The following MINAR1 variants were observed in gnomAD, a reference collection of about 807,000 sequenced individuals.
MINAR1 encodes major intrinsically disordered Notch2-binding receptor 1.
Under a neutral mutation model 65.1 loss-of-function variants are expected in MINAR1, and 40 were observed. That is an observed-to-expected ratio of 0.61 (90% CI 0.48 to 0.80). MINAR1 has a LOEUF of 0.80. Among genes scored for constraint, MINAR1 ranks in the 30% least tolerant of loss-of-function variants. MINAR1 has a pLI of 0.00. For missense variants in MINAR1, 1,128 were observed against 1,148.0 expected (o/e 0.98, Z 0.25); for synonymous variants, 482 against 449.1 (o/e 1.07, Z -0.93).
chr15:79,420,491 G>A, the MINAR1 span: 1 of 152,186 alleles, frequency 6.6e-6, no homozygotes, highest in African/African-American at 2.4e-5. Flanking sequence ...GGGAAACTTG[G>A]TGGTCCCTCT....
At chr15:79,444,950 A>AAATAATACATTTGCTGCCCTGTACCG (rs1894972630) in intron 1 of MINAR1, among the ~76,000 whole-genome samples, 1 of 152,006 alleles carries the variant, frequency 6.6e-6, no homozygotes, top group African/African-American at 2.4e-5. Context: ...ATTTTCTTTG[A>AAATAATACATTTGCTGCCCTGTACCG]TCACTCAGTT....
intron 2 of MINAR1, among the ~76,000 whole-genome samples, chr15:79,460,674 G>T (rs982183277): frequency 6.6e-6 from 1 of 152,138 alleles, no homozygotes; most frequent in Non-Finnish European, 1.5e-5. Flanking sequence ...CACTCTCTGT[G>T]GTTGCGCAGG....
Position 79,441,791 on chromosome 15 carries a change from TAGTC to T in MINAR1, c.-51+9254_-51+9257del, listed in dbSNP as rs557119002. Among the ~76,000 whole-genome samples the T allele has an allele frequency of 2.1e-3, 325 of 152,246 alleles. 1 individual carries two copies. Among genetic ancestry groups the T allele is most frequent in the Non-Finnish European group, 3.9e-3 (263 of 67,962 alleles). On this transcript the variant is annotated intron_variant, in intron 1 of 3. Transcript: ENST00000305428. ...AAATAATATCAAAAACCCTTAATAA[TAGTC>T]AGAACCCTTAGTCTTTAGTACTTTT...
At chr15:79,460,553 T>G (rs1437288626) in intron 2 of MINAR1, among the ~76,000 whole-genome samples, 1 of 151,396 alleles carries the variant, frequency 6.6e-6, no homozygotes, top group Admixed American at 6.6e-5. Context: ...TTCTTTTCCA[T>G]TTACACCTCT....
intron 1 of MINAR1, among the ~76,000 whole-genome samples, chr15:79,441,428 G>T (rs1367223320): frequency 6.6e-6 from 1 of 152,098 alleles, no homozygotes; most frequent in African/African-American, 2.4e-5. Context: ...TGGCTACATG[G>T]TATTCTATCA....
chr15:79,456,894 G>T lies in MINAR1; in HGVS notation c.747G>T (p.Val249=). Residue 249 remains valine, a synonymous_variant, in exon 2 of 4, where the codon GTG becomes GTT. Transcript: ENST00000305428. ...ETFISNEEPF[V]VQSCVQKRNI... ...TCATTTCCAATGAGGAGCCATTTGT[G>T]GTCCAGTCCTGTGTCCAGAAAAGGA... The T allele has an allele frequency of 6.2e-7, 1 of 1,614,098 alleles. No homozygotes were observed. The highest frequency in any genetic ancestry group is 8.5e-7 in the Non-Finnish European group (1 of 1,180,020).
At chr15:79,466,329 G>A (rs1470310543) in intron 3 of MINAR1, among the ~76,000 whole-genome samples, 1 of 152,142 alleles carries the variant, frequency 6.6e-6, no homozygotes, top group African/African-American at 2.4e-5. Context: ...AACTTTCTCT[G>A]TAAAGGACCA....
chr15:79,416,224 T>C, the MINAR1 span: 1 of 152,258 alleles, frequency 6.6e-6, no homozygotes, highest in African/African-American at 2.4e-5. Flanking sequence ...GACACCACTA[T>C]GGACAGCTTT....
Position 79,456,894 on chromosome 15 carries a change from G to A in MINAR1, c.747G>A (p.Val249=). 2.5e-6 allele frequency: 4 copies of A among 1,614,098 alleles called. No homozygotes were observed. Among genetic ancestry groups the A allele is most frequent in the Middle Eastern group, 1.6e-4 (1 of 6,062 alleles). The part of the protein sequence containing the change: ...ETFISNEEPF[V]VQSCVQKRNI... ...TCATTTCCAATGAGGAGCCATTTGT[G>A]GTCCAGTCCTGTGTCCAGAAAAGGA... The change falls in exon 2 of 4, where the codon GTG becomes GTA. Residue 249 remains valine, a synonymous_variant. Transcript: ENST00000305428.
chr15:79,468,638 A>C lies in MINAR1; in HGVS notation c.*254A>C. The C allele has an allele frequency of 2.1e-6, 1 of 486,550 alleles. No homozygotes were observed. The highest frequency in any genetic ancestry group is 3.7e-6 in the Non-Finnish European group (1 of 272,850). 30.1% of individuals were successfully genotyped at this position (486,550 alleles called of 1,614,324 possible). On this transcript the variant is annotated 3_prime_UTR_variant, in exon 4 of 4. Transcript: ENST00000305428. ...TATCTTTTCCTACCAAAAGAACATC[A>C]TGGACTATCAATAAATACAAATTGA...
Position 79,471,402 on chromosome 15 carries a change from C to A in MINAR1, c.*3018C>A, listed in dbSNP as rs907720408. 1 of 152,594 alleles carries A rather than the reference C, an allele frequency of 6.6e-6. No homozygotes were observed. 9.5% of individuals were successfully genotyped at this position (152,594 alleles called of 1,614,324 possible). ...TCTTCTAATCTGAATTTGTTTTGAA[C>A]ACAGCCTTGCAGAAAAGCAAAAAAT... On this transcript the variant is annotated 3_prime_UTR_variant, in exon 4 of 4. Coordinates refer to ENST00000305428, the MANE Select transcript of MINAR1 (RefSeq NM_015206.3).
chr15:79,411,726 A>AT, the MINAR1 span: 8 of 494,748 alleles, frequency 1.6e-5, no homozygotes, highest in Middle Eastern at 5.5e-4. Context: ...CACCACAGAC[A>AT]CTTGAGCTGG....
the MINAR1 span, chr15:79,427,244 C>T: frequency 6.6e-6 from 1 of 152,096 alleles, no homozygotes; most frequent in East Asian, 1.9e-4. Context: ...AAGAAGGGAA[C>T]AATGGAGGCT....
intron 1 of MINAR1, among the ~76,000 whole-genome samples, chr15:79,437,659 AGGTAGTGTGTGGGGTGTGGGTGGCGTG>A (rs1894646145): frequency 1.6e-5 from 1 of 63,550 alleles, no homozygotes. Context: ...GGGTGTGTGT[AGGTAGTGTGTGGGGTGTGGGTGGCGTG>A]GGTAGTGAGT....
At chr15:79,437,023 T>C (rs768102409) in intron 1 of MINAR1, among the ~76,000 whole-genome samples, 10 of 152,202 alleles carry the variant, frequency 6.6e-5, no homozygotes, top group Admixed American at 1.3e-4. Context: ...TCAATAACAC[T>C]GGGATCTTGA....
At chr15:79,439,297 CGTGGGTGGGGTGGGTAGTGATGAGAT>C (rs1407990885) in intron 1 of MINAR1, among the ~76,000 whole-genome samples, 1 of 8,446 alleles carries the variant, frequency 1.2e-4, no homozygotes, top group Non-Finnish European at 2.2e-4. Flanking sequence ...AGTGGGTGGG[CGTGGGTGGGGTGGGTAGTGATGAGAT>C]GTGGGTGGGG....
In MINAR1 at chr15:79,468,402, A is replaced by G; in HGVS notation, c.*18A>G. The G allele has an allele frequency of 6.2e-7, 1 of 1,610,224 alleles. No homozygotes were observed. Among genetic ancestry groups the G allele is most frequent in the South Asian group, 1.1e-5 (1 of 90,514 alleles). ...AATCATGAGCTAAGAATGCAACCTT[A>G]CGTACAGCTTATGACTACCAATGTC... is the stretch of plus-strand genomic sequence containing the variant. On this transcript the variant is annotated 3_prime_UTR_variant, in exon 4 of 4. Coordinates refer to ENST00000305428, the MANE Select transcript of MINAR1 (RefSeq NM_015206.3).
intron 2 of MINAR1, among the ~76,000 whole-genome samples, chr15:79,462,687 G>A (rs1452322608): frequency 6.6e-6 from 1 of 152,138 alleles, no homozygotes; most frequent in Admixed American, 6.5e-5. Flanking sequence ...GTTAAACAAC[G>A]ACTCTAAAGC....
chr15:79,430,207 T>C (rs894697333), upstream of MINAR1, among the ~76,000 whole-genome samples: 1 of 149,786 alleles, frequency 6.7e-6, no homozygotes, highest in African/African-American at 2.4e-5. Context: ...AGAAAGAAAT[T>C]AAATAAACCT....
Sources: gnomAD v4.1 joint callset for allele counts (sites outside exome capture counted in the v4.1 genomes callset) on GRCh38, gnomAD v4.1.1 for gene constraint, MANE v1.5 for transcripts, NCBI Gene and HGNC (gene_info 2026-07-23, HGNC 2026-07-21) for gene names.